The following EPHB1 variants were observed in gnomAD, a reference collection of about 807,000 sequenced individuals.
The protein encoded by EPHB1 is ephrin type-B receptor 1.
EPHB1 carries 30 observed loss-of-function variants against 94.4 expected under a neutral mutation model. That is an observed-to-expected ratio of 0.32 (90% CI 0.24 to 0.43). The LOEUF (loss-of-function observed/expected upper bound fraction) is 0.43. Among genes scored for constraint, EPHB1 ranks in the 20% least tolerant of loss-of-function variants. The pLI, the probability that EPHB1 is intolerant of heterozygous loss-of-function variation, is 1.00. For synonymous variants in EPHB1, 522 were observed against 489.1 expected, an observed-to-expected ratio of 1.07 and a Z score of -0.89; for missense variants, 1,055 against 1,308.3, an observed-to-expected ratio of 0.81 and a Z score of 2.99.
chr3:135,238,460 A>T (rs1943706288), intron 12 of EPHB1, among the ~76,000 whole-genome samples: 1 of 152,224 alleles, frequency 6.6e-6, no homozygotes, highest in Non-Finnish European at 1.5e-5. Flanking sequence ...CTTTCCAGGC[A>T]GGAGGGAGCG....
chr3:135,224,997 C>G (rs1943360261), intron 12 of EPHB1, among the ~76,000 whole-genome samples: 1 of 152,182 alleles, frequency 6.6e-6, no homozygotes, highest in African/African-American at 2.4e-5. Flanking sequence ...GCTCTGCCTG[C>G]ACCTTTGATT....
intron 3 of EPHB1, among the ~76,000 whole-genome samples, chr3:135,076,253 A>ATG (rs1559820150): frequency 1.7e-4 from 15 of 86,612 alleles, no homozygotes; most frequent in Non-Finnish European, 1.9e-4. Context: ...ATATATATAT[A>ATG]TATATATAAC....
intron 3 of EPHB1, among the ~76,000 whole-genome samples, chr3:135,077,444 G>C (rs1254919671): frequency 1.3e-5 from 2 of 152,196 alleles, no homozygotes; most frequent in Admixed American, 1.3e-4. Flanking sequence ...GATGTCAGCC[G>C]TCCCTCTCAC....
chr3:134,935,173 G>A (rs769901893), intron 2 of EPHB1, among the ~76,000 whole-genome samples: 1 of 152,186 alleles, frequency 6.6e-6, no homozygotes, highest in Non-Finnish European at 1.5e-5. Context: ...GCTGAGGAGG[G>A]TCAGCATTGC....
At chr3:135,071,141 A>G (rs765931459) in intron 3 of EPHB1, among the ~76,000 whole-genome samples, 12 of 152,184 alleles carry the variant, frequency 7.9e-5, no homozygotes, top group African/African-American at 1.4e-4. Context: ...TCACTCTGCT[A>G]TGGCACAAGG....
intron 2 of EPHB1, among the ~76,000 whole-genome samples, chr3:134,949,753 G>A (rs1463620317): frequency 6.6e-6 from 1 of 152,050 alleles, no homozygotes; most frequent in African/African-American, 2.4e-5. Context: ...TAGGCAAACA[G>A]AATATAAGTT....
chr3:135,184,312 GA>G (rs1213998760), intron 10 of EPHB1, among the ~76,000 whole-genome samples: 1 of 152,164 alleles, frequency 6.6e-6, no homozygotes, highest in Non-Finnish European at 1.5e-5. Flanking sequence ...TTGTGAGGCT[GA>G]AAAGTTGCAT....
At chr3:134,856,807 C>T (rs1434047093) in intron 1 of EPHB1, among the ~76,000 whole-genome samples, 1 of 152,150 alleles carries the variant, frequency 6.6e-6, no homozygotes, top group African/African-American at 2.4e-5. Flanking sequence ...TTAATTTCAC[C>T]TGTTTTTACT....
At position 135,004,054 on chromosome 3, in the gene EPHB1, C is replaced by G. The variant is rs568520662; in HGVS notation, c.805+52002C>G. On this transcript the variant is annotated intron_variant, in intron 3 of 15. Transcript: ENST00000398015. ...AGTTGATGTAGTTTCTTCCTAGTCTCGATGGTCTTTTCATTTTGGCATGAT... is the reference window on the plus strand; with the variant it reads ...AGTTGATGTAGTTTCTTCCTAGTCTGGATGGTCTTTTCATTTTGGCATGAT... Among the ~76,000 whole-genome samples, 618 of 143,062 alleles carry G rather than the reference C, an allele frequency of 4.3e-3. 12 individuals are homozygous for G. Among genetic ancestry groups the G allele is most frequent in the African/African-American group, 0.014 (534 of 39,360 alleles). The allele number at this position is 143,062 out of a possible 152,430, so 93.9% of individuals were successfully genotyped here.
chr3:135,241,189 C>T lies in EPHB1; in HGVS notation c.2388C>T (p.Ile796=), dbSNP rs374536840. The T allele has an allele frequency of 7.7e-5, 124 of 1,614,060 alleles. No individual in the cohort carries two copies. Among genetic ancestry groups the T allele is most frequent in the Middle Eastern group, 1.6e-4 (1 of 6,084 alleles). The change falls in exon 13 of 16, where the codon ATC becomes ATT. Residue 796 remains isoleucine (I), a synonymous_variant. Coordinates refer to ENST00000398015, the MANE Select transcript of EPHB1 (RefSeq NM_004441.5). ...TGAGATGGACAGCTCCAGAGGCCAT[C>T]GCCTACCGCAAGTTCACTTCAGCCA... ...IPVRWTAPEA[I]AYRKFTSASD... is the part of the protein sequence containing the mutation.
chr3:135,173,236 G>A (rs997983275), intron 9 of EPHB1, among the ~76,000 whole-genome samples: 5 of 151,408 alleles, frequency 3.3e-5, no homozygotes, highest in Non-Finnish European at 2.9e-5. Flanking sequence ...GGGTTTCACC[G>A]TTTTAGCCGG....
At chr3:134,831,054 T>C (rs1447153990) in intron 1 of EPHB1, among the ~76,000 whole-genome samples, 3 of 152,220 alleles carry the variant, frequency 2.0e-5, no homozygotes, top group African/African-American at 7.2e-5. Context: ...GCTTCTAGCA[T>C]CTTCCATCTA....
At chr3:134,986,474 T>C (rs1288948372) in intron 3 of EPHB1, among the ~76,000 whole-genome samples, 1 of 152,172 alleles carries the variant, frequency 6.6e-6, no homozygotes, top group African/African-American at 2.4e-5. Flanking sequence ...ATGCGGCTGA[T>C]TCCAGATGTT....
At chr3:134,840,077 C>T (rs935571077) in intron 1 of EPHB1, among the ~76,000 whole-genome samples, 1 of 152,228 alleles carries the variant, frequency 6.6e-6, no homozygotes, top group Non-Finnish European at 1.5e-5. Flanking sequence ...CTTGGCACCT[C>T]CGTTAGTGAT....
At chr3:134,889,017 G>A (rs115197275) in intron 1 of EPHB1, among the ~76,000 whole-genome samples, 3,073 of 152,308 alleles carry the variant, frequency 0.02, 53 homozygotes, top group Middle Eastern at 0.071. Flanking sequence ...GGCTGAAGTA[G>A]ACCCATTAGC....
chr3:134,886,479 A>G (rs2108313783), intron 1 of EPHB1, among the ~76,000 whole-genome samples: 2 of 152,288 alleles, frequency 1.3e-5, no homozygotes, highest in South Asian at 4.1e-4. Context: ...TTCGGAGATT[A>G]TTTTCTGCCA....
At chr3:135,212,633 T>A (rs898285263) in intron 12 of EPHB1, among the ~76,000 whole-genome samples, 6 of 152,212 alleles carry the variant, frequency 3.9e-5, no homozygotes, top group African/African-American at 1.4e-4. Flanking sequence ...TTTCTAGGGA[T>A]TCTCCCTCAA....
intron 3 of EPHB1, among the ~76,000 whole-genome samples, chr3:135,032,804 C>G (rs1328385206): frequency 1.3e-5 from 2 of 152,162 alleles, no homozygotes; most frequent in South Asian, 4.1e-4. Flanking sequence ...CCCCTACTTC[C>G]CAGAACTGTG....
chr3:135,030,808 C>T (rs539859111), intron 3 of EPHB1, among the ~76,000 whole-genome samples: 6 of 152,348 alleles, frequency 3.9e-5, no homozygotes, highest in Non-Finnish European at 7.4e-5. Context: ...CAATGGTGGG[C>T]GCCCCTCCCC....
Sources: allele counts gnomAD v4.1 joint callset (sites outside exome capture counted in the v4.1 genomes callset), GRCh38; gene constraint gnomAD v4.1.1; transcripts MANE v1.5; gene names NCBI Gene and HGNC (gene_info 2026-07-23, HGNC 2026-07-21).